The following TLN2 variants were observed in gnomAD, a reference collection of about 807,000 sequenced individuals.
The protein encoded by TLN2 is talin-2.
Under a neutral mutation model 294.7 loss-of-function variants are expected in TLN2, and 118 were observed. The observed-to-expected ratio is 0.40, with a 90% CI of 0.34 to 0.47. The LOEUF (loss-of-function observed/expected upper bound fraction) is 0.47. Among genes scored for constraint, TLN2 ranks in the 20% least tolerant of loss-of-function variants. TLN2 has a pLI of 0.84. For missense variants in TLN2, 3,083 were observed against 3,282.2 expected, an observed-to-expected ratio of 0.94 and a Z score of 1.48; for synonymous variants, 1,431 against 1,304.5, an observed-to-expected ratio of 1.10 and a Z score of -2.09.
chr15:62,822,896 T>C (rs1225048211), intron 54 of TLN2, among the ~76,000 whole-genome samples: 1 of 152,170 alleles, frequency 6.6e-6, no homozygotes, highest in Non-Finnish European at 1.5e-5. Context: ...ATTGGGATGA[T>C]GGAAGGGTCT....
intron 2 of TLN2, among the ~76,000 whole-genome samples, chr15:62,591,815 G>A (rs2046099113): frequency 6.6e-6 from 1 of 152,160 alleles, no homozygotes; most frequent in Non-Finnish European, 1.5e-5. Context: ...CCGAGCTGAT[G>A]GCAATGGGAT....
At chr15:62,400,142 C>A (rs1038338143) in intron 1 of TLN2, among the ~76,000 whole-genome samples, 5 of 152,186 alleles carry the variant, frequency 3.3e-5, no homozygotes, top group Non-Finnish European at 7.3e-5. Flanking sequence ...AGGGGCTTTT[C>A]CCCCTTTGCC....
At chr15:62,526,576 G>A (rs145599621) in intron 1 of TLN2, among the ~76,000 whole-genome samples, 2 of 152,220 alleles carry the variant, frequency 1.3e-5, no homozygotes, top group Non-Finnish European at 2.9e-5. Context: ...CATCTCAGGG[G>A]CCCTTCCCTC....
chr15:62,825,351 G>A (rs78547492), intron 54 of TLN2, among the ~76,000 whole-genome samples: 1 of 152,300 alleles, frequency 6.6e-6, no homozygotes, highest in Non-Finnish European at 1.5e-5. Context: ...ACGAAGCCCA[G>A]TTGTTTGAAT....
chr15:62,817,812 A>ACCTT (rs2067233485), intron 52 of TLN2, among the ~76,000 whole-genome samples: 1 of 139,788 alleles, frequency 7.2e-6, no homozygotes, highest in African/African-American at 2.7e-5. Flanking sequence ...ATTCCATTCT[A>ACCTT]TCTTTTTTTT....
At chr15:62,473,202 G>A (rs2037584812) in intron 1 of TLN2, among the ~76,000 whole-genome samples, 1 of 152,194 alleles carries the variant, frequency 6.6e-6, no homozygotes, top group Admixed American at 6.5e-5. Flanking sequence ...TGGCCCTGGG[G>A]ACAGAACTTT....
At chr15:62,573,586 C>T (rs1482596291) in intron 1 of TLN2, among the ~76,000 whole-genome samples, 2 of 151,972 alleles carry the variant, frequency 1.3e-5, no homozygotes, top group East Asian at 3.9e-4. Flanking sequence ...ATGCACCCAG[C>T]TTCCCTCCTC....
intron 2 of TLN2, among the ~76,000 whole-genome samples, chr15:62,599,353 C>T (rs1377772164): frequency 6.6e-6 from 1 of 152,204 alleles, no homozygotes; most frequent in Non-Finnish European, 1.5e-5. Context: ...CTACCATTAA[C>T]TTACAGTGAT....
At chr15:62,704,393 TC>T (rs2058925010) in intron 19 of TLN2, among the ~76,000 whole-genome samples, 1 of 152,232 alleles carries the variant, frequency 6.6e-6, no homozygotes, top group South Asian at 2.1e-4. Flanking sequence ...CATTCAGGTT[TC>T]TTGCTTCATG....
Position 62,686,674 on chromosome 15 carries a change from C to T in TLN2, c.991C>T (p.Arg331Cys), listed in dbSNP as rs778567163. 3.1e-6 allele frequency: 5 copies of T among 1,613,838 alleles called. No individual in the cohort carries two copies. Among genetic ancestry groups the T allele is most frequent in the Non-Finnish European group, 4.2e-6 (5 of 1,179,874 alleles). ...GAAAGGCAAGAACAAGCTGGTGCCT[C>T]GCCTGCTGGGGATCACCAAAGACTC... ...KMKGKNKLVP[R>C]LLGITKDSVM... Residue 331 changes from arginine to cysteine, a missense_variant, in exon 12 of 59, where the codon CGC becomes TGC. Coordinates refer to ENST00000636159, the MANE Select transcript of TLN2 (RefSeq NM_015059.3).
intron 7 of TLN2, 149 bp from the exon 8 acceptor site, chr15:62,655,795 A>G (rs3817360): frequency 0.63 from 611,749 of 965,134 alleles, 199,163 homozygotes; most frequent in Middle Eastern, 0.73. Flanking sequence ...AAGCTTAAAA[A>G]CCATAGTTCT....
At chr15:62,545,514 T>TGTGTGTGTGTG (rs2041944734) in intron 1 of TLN2, among the ~76,000 whole-genome samples, 5 of 145,944 alleles carry the variant, frequency 3.4e-5, no homozygotes, top group African/African-American at 1.3e-4. Context: ...TTCTTTCTCT[T>TGTGTGTGTGTG]TGTGTGTGTG....
rs1178905841 is a variant in TLN2, at chr15:62,692,862, GCTA to G, written c.1140_1142del (p.Tyr381del). On this transcript the variant is annotated inframe_deletion, in exon 13 of 59. Coordinates refer to ENST00000636159, the MANE Select transcript of TLN2 (RefSeq NM_015059.3). The stretch of plus-strand genomic sequence containing the variant: ...CAGGATTTTGGGGAGTATCAGGAAA[GCTA>G]CTATTCAGTACAAACCACCGAGGGA... 1.2e-6 allele frequency: 2 copies of G among 1,613,334 alleles called. No homozygotes were observed. The highest frequency in any genetic ancestry group is 1.7e-6 in the Non-Finnish European group (2 of 1,179,782).
intron 21 of TLN2, among the ~76,000 whole-genome samples, chr15:62,710,915 A>G (rs1429365344): frequency 6.6e-6 from 1 of 151,430 alleles, no homozygotes; most frequent in Non-Finnish European, 1.5e-5. Context: ...TTTAGTAGAG[A>G]TGGGGTTTCA....
At chr15:62,716,235 A>C (rs2059765082) in intron 22 of TLN2, 96 bp from the exon 23 acceptor site, 4 of 1,313,362 alleles carry the variant, frequency 3.0e-6, no homozygotes, top group Non-Finnish European at 3.9e-6. Flanking sequence ...TATCCTTGCA[A>C]ATGCTTTCTA....
At chr15:62,835,863 G>T in intron 56 of TLN2, 28 bp from the exon 57 acceptor site, 1 of 1,614,214 alleles carries the variant, frequency 6.2e-7, no homozygotes, top group Non-Finnish European at 8.5e-7. Context: ...TTTGGGCCTT[G>T]GGTCACTTCT....
chr15:62,742,734 C>T (rs1461712066), intron 32 of TLN2, among the ~76,000 whole-genome samples: 1 of 152,166 alleles, frequency 6.6e-6, no homozygotes. Flanking sequence ...AAAATCATCA[C>T]ATGAAAATGA....
chr15:62,696,148 C>G (rs1204351456), intron 14 of TLN2, among the ~76,000 whole-genome samples: 5 of 152,222 alleles, frequency 3.3e-5, no homozygotes, highest in Admixed American at 6.5e-5. Context: ...CAGTGTTTCT[C>G]CATGGATGCC....
intron 3 of TLN2, among the ~76,000 whole-genome samples, chr15:62,618,962 T>C (rs1228053186): frequency 6.6e-6 from 1 of 152,250 alleles, no homozygotes; most frequent in African/African-American, 2.4e-5. Flanking sequence ...TGAATACTTG[T>C]GCCTTTCATT....
Sources: gnomAD v4.1 joint callset for allele counts (sites outside exome capture counted in the v4.1 genomes callset) on GRCh38, gnomAD v4.1.1 for gene constraint, MANE v1.5 for transcripts, NCBI Gene and HGNC (gene_info 2026-07-23, HGNC 2026-07-21) for gene names.